The following ST7 variants were observed in gnomAD, a reference collection of about 807,000 sequenced individuals.
The protein encoded by ST7 is suppression of tumorigenicity 7.
ST7 carries 28 observed loss-of-function variants against 78.7 expected under a neutral mutation model. The ratio of observed to expected loss-of-function variants is 0.36; its 90% CI spans 0.26 to 0.49. The LOEUF is 0.49. Ranked by LOEUF, ST7 falls within the 20% of genes least tolerant of loss-of-function variation. The pLI is 0.99. For synonymous variants in ST7, 247 were observed against 249.6 expected (o/e 0.99, Z 0.10); for missense variants, 418 against 696.0 (o/e 0.60, Z 4.49).
chr7:117,164,387 A>C (rs1173428394), intron 9 of ST7, among the ~76,000 whole-genome samples: 1 of 152,102 alleles, frequency 6.6e-6, no homozygotes, highest in African/African-American at 2.4e-5. Flanking sequence ...CAGCTGCATA[A>C]ATAAGATGAT....
chr7:117,194,224 CTG>C (rs1328589880), intron 12 of ST7, among the ~76,000 whole-genome samples: 1 of 152,218 alleles, frequency 6.6e-6, no homozygotes, highest in Non-Finnish European at 1.5e-5. Flanking sequence ...TCCTGAGAAA[CTG>C]TAGCTGTGCC....
intron 3 of ST7, among the ~76,000 whole-genome samples, chr7:117,121,478 G>T (rs1404503569): frequency 1.3e-5 from 2 of 152,146 alleles, no homozygotes; most frequent in Non-Finnish European, 2.9e-5. Flanking sequence ...CAAAATTTAT[G>T]TATACACTAA....
intron 9 of ST7, among the ~76,000 whole-genome samples, chr7:117,159,927 C>T (rs544748258): frequency 4.0e-5 from 6 of 151,542 alleles, no homozygotes; most frequent in Admixed American, 6.6e-5. Flanking sequence ...GCAAGCCAGG[C>T]GCGGTAGCTC....
At chr7:117,189,496 T>G (rs1809580469) in intron 11 of ST7, 103 bp downstream of exon 11, 4 of 796,712 alleles carry the variant, frequency 5.0e-6, no homozygotes, top group Non-Finnish European at 5.5e-6. Context: ...ATGAGACCCC[T>G]GCTTATAAGC....
In ST7 at chr7:117,040,188, A is replaced by G. The variant is rs184006952; in HGVS notation, c.152-59574A>G. Among the ~76,000 whole-genome samples the G allele has an allele frequency of 6.4e-4, 97 of 152,154 alleles. 1 individual carries two copies. The East Asian group carries it at 0.014, about 22-fold the overall frequency. On this transcript the variant is annotated intron_variant, in intron 1 of 15. Transcript: ENST00000323984. ...GGAGTTCAAGACCAGCCTGGCCAAC[A>G]TGGTGAAGCCCCCTCTCTACTAAAA... is the stretch of plus-strand genomic sequence containing the variant.
intron 1 of ST7, among the ~76,000 whole-genome samples, chr7:117,092,336 AAG>A (rs1800696731): frequency 6.6e-6 from 1 of 151,576 alleles, no homozygotes; most frequent in African/African-American, 2.4e-5. Context: ...AAAAAAAAAA[AAG>A]AAGTTATGAA....
intron 1 of ST7, 32 bp downstream of exon 1, chr7:116,953,723 A>AC: frequency 7.5e-7 from 1 of 1,329,348 alleles, no homozygotes; most frequent in African/African-American, 1.6e-5. Context: ...CGCGGCGCCC[A>AC]CCCCTCCCCC....
chr7:117,195,814 A>T (rs1215530705), intron 12 of ST7, among the ~76,000 whole-genome samples: 2 of 152,198 alleles, frequency 1.3e-5, no homozygotes, highest in Non-Finnish European at 2.9e-5. Context: ...GAACACAGCC[A>T]AACCATATCA....
chr7:117,068,354 C>T (rs892828235), intron 1 of ST7, among the ~76,000 whole-genome samples: 16 of 152,000 alleles, frequency 1.1e-4, no homozygotes, highest in Admixed American at 6.5e-4. Context: ...TTTCACTTAC[C>T]GAAGTACAGA....
chr7:116,986,950 C>G (rs1184454160), intron 1 of ST7, among the ~76,000 whole-genome samples: 1 of 152,150 alleles, frequency 6.6e-6, no homozygotes, highest in Non-Finnish European at 1.5e-5. Flanking sequence ...GCTGCTGGGC[C>G]TTTAAGTGAG....
chr7:117,136,824 A>T (rs771734675), intron 8 of ST7: 72 of 152,884 alleles, frequency 4.7e-4, no homozygotes, highest in Non-Finnish European at 8.2e-4. Flanking sequence ...TAAATTTAAG[A>T]TAACTCTTTA....
chr7:117,068,050 G>A (rs1302645339), intron 1 of ST7, among the ~76,000 whole-genome samples: 5 of 151,950 alleles, frequency 3.3e-5, no homozygotes, highest in Non-Finnish European at 5.9e-5. Context: ...AGATCTACAC[G>A]GAAAGATTTG....
At chr7:116,967,679 T>C (rs1183687249) in intron 1 of ST7, among the ~76,000 whole-genome samples, 1 of 152,216 alleles carries the variant, frequency 6.6e-6, no homozygotes, top group Non-Finnish European at 1.5e-5. Context: ...GAGTACCTCA[T>C]AGGACTGTTA....
intron 2 of ST7, among the ~76,000 whole-genome samples, chr7:117,114,553 A>G (rs1802698992): frequency 6.6e-5 from 10 of 152,174 alleles, no homozygotes; most frequent in Admixed American, 5.2e-4. Flanking sequence ...TCCTCCTGTG[A>G]CATCATTGTC....
intron 6 of ST7, among the ~76,000 whole-genome samples, chr7:117,133,000 G>A (rs1804489395): frequency 1.3e-5 from 2 of 151,910 alleles, no homozygotes; most frequent in African/African-American, 4.8e-5. Context: ...TCTTAAGAAT[G>A]CCAATCGTAG....
intron 9 of ST7, among the ~76,000 whole-genome samples, chr7:117,149,592 CTTTTTTT>C (rs59067333): frequency 7.1e-5 from 6 of 83,956 alleles, no homozygotes; most frequent in Admixed American, 1.2e-4. Flanking sequence ...CGTGTCCTAC[CTTTTTTT>C]TTTTTTTTTT....
At chr7:117,137,465 A>C (rs567751181) in intron 8 of ST7, 10 of 152,154 alleles carry the variant, frequency 6.6e-5, no homozygotes, top group Non-Finnish European at 1.0e-4. Flanking sequence ...ATAACCTATA[A>C]TACAACATTA....
In ST7 at chr7:117,222,078, G is replaced by A. The variant is rs1419642069; in HGVS notation, c.1638+16G>A. 1.3e-6 allele frequency: 2 copies of A among 1,597,408 alleles called. No homozygotes were observed. Among genetic ancestry groups the A allele is most frequent in the Non-Finnish European group, 1.7e-6 (2 of 1,174,342 alleles). Reference sequence around the variant, plus strand: ...CGCAAAAGCTGTGAGTGTTTGCCTAGAGGGAGGCCTTGGGGAATGGATGGG... The same window carrying A: ...CGCAAAAGCTGTGAGTGTTTGCCTAAAGGGAGGCCTTGGGGAATGGATGGG... On this transcript the variant is annotated intron_variant, in intron 15 of 15. Transcript: ENST00000323984.
intron 1 of ST7, among the ~76,000 whole-genome samples, chr7:117,082,823 A>C (rs570941246): frequency 6.6e-6 from 1 of 152,204 alleles, no homozygotes; most frequent in South Asian, 2.1e-4. Context: ...TACATAAACT[A>C]ACAAGCACGG....
Sources: allele counts gnomAD v4.1 joint callset (sites outside exome capture counted in the v4.1 genomes callset), GRCh38; gene constraint gnomAD v4.1.1; transcripts MANE v1.5; gene names NCBI Gene and HGNC (gene_info 2026-07-23, HGNC 2026-07-21).